The following MTBP variants were observed in gnomAD, a reference collection of about 807,000 sequenced individuals.
MTBP encodes the protein mdm2-binding protein.
A neutral mutation model predicts 117.0 loss-of-function variants in MTBP; 101 were observed. The observed-to-expected ratio is 0.86, with a 90% confidence interval of 0.73 to 1.02. The LOEUF is 1.02. Among genes scored for constraint, MTBP ranks in the 50% least tolerant of loss-of-function variants. The pLI, the probability that MTBP is intolerant of heterozygous loss-of-function variation, is 0.00. For synonymous variants in MTBP, 350 were observed against 351.5 expected, an observed-to-expected ratio of 1.00 and a Z score of 0.05; for missense variants, 970 against 1,030.9, an observed-to-expected ratio of 0.94 and a Z score of 0.81.
chr8:120,515,304 AT>A (rs1814897400), intron 17 of MTBP, among the ~76,000 whole-genome samples: 1 of 152,008 alleles, frequency 6.6e-6, no homozygotes, highest in Admixed American at 6.6e-5. Flanking sequence ...ACAACCTAGG[AT>A]TTCTTTGAGT....
Position 120,497,421 on chromosome 8 carries a change from A to G in MTBP, c.1476A>G (p.Glu492=). 1 of 1,606,058 alleles carries G rather than the reference A, an allele frequency of 6.2e-7. No individual in the cohort carries two copies. The highest frequency in any genetic ancestry group is 8.5e-7 in the Non-Finnish European group (1 of 1,177,634). ...GACGAAAGTTGGCAAAGCAGCCTGA[A>G]ACAGTTTCTGTTGCTGAACTCAAAA... ...LKRRKLAKQP[E]TVSVAELKSL... Residue 492 remains glutamate (E), a synonymous_variant, in exon 14 of 22, where the codon GAA becomes GAG. Transcript: ENST00000305949.
chr8:120,508,138 T>C (rs117686805), intron 16 of MTBP, among the ~76,000 whole-genome samples: 1 of 152,168 alleles, frequency 6.6e-6, no homozygotes, highest in Non-Finnish European at 1.5e-5. Context: ...AACATTAGAG[T>C]TGAAGGATGA....
At chr8:120,481,262 A>G (rs774569606) in intron 11 of MTBP, among the ~76,000 whole-genome samples, 14 of 152,172 alleles carry the variant, frequency 9.2e-5, no homozygotes, top group Non-Finnish European at 1.9e-4. Context: ...CTAGTAAGGA[A>G]AACAGTTTGA....
intron 10 of MTBP, among the ~76,000 whole-genome samples, chr8:120,467,100 T>A (rs1171214369): frequency 2.0e-5 from 3 of 152,194 alleles, no homozygotes; most frequent in Non-Finnish European, 2.9e-5. Context: ...TAACTATGAT[T>A]AGCCCCAGAA....
At chr8:120,506,356 ATTTAAG>A (rs1814685271) in intron 15 of MTBP, among the ~76,000 whole-genome samples, 1 of 152,122 alleles carries the variant, frequency 6.6e-6, no homozygotes, top group Admixed American at 6.6e-5. Context: ...GAGAATTTAG[ATTTAAG>A]TTTTATAGAA....
At chr8:120,450,053 T>C (rs117794737) in intron 2 of MTBP, among the ~76,000 whole-genome samples, 1 of 152,126 alleles carries the variant, frequency 6.6e-6, no homozygotes, top group Non-Finnish European at 1.5e-5. Context: ...AAGAAATACT[T>C]TGAGAAACAC....
chr8:120,507,705 A>G (rs938189048), intron 16 of MTBP, among the ~76,000 whole-genome samples: 1 of 152,114 alleles, frequency 6.6e-6, no homozygotes, highest in Admixed American at 6.6e-5. Flanking sequence ...CTTTATGTGC[A>G]TGTTCACTAG....
At chr8:120,453,316 T>C (rs1210326823) in intron 4 of MTBP, among the ~76,000 whole-genome samples, 2 of 151,978 alleles carry the variant, frequency 1.3e-5, no homozygotes, top group Admixed American at 1.3e-4. Flanking sequence ...TGTGTGCTTG[T>C]AGTCCCAGCT....
rs1814907797 is a variant in MTBP, at chr8:120,515,906, G to A, written c.1980-19G>A. ...CTCTCATGGAGGTTTACATTTTAAT[G>A]CTCTTTCACTCATTTTAGATATTGC... is the stretch of plus-strand genomic sequence containing the variant. On this transcript the variant is annotated intron_variant, in intron 17 of 21. Transcript: ENST00000305949. The A allele has an allele frequency of 6.2e-7, 1 of 1,606,464 alleles. No individual in the cohort carries two copies. The highest frequency in any genetic ancestry group is 1.7e-5 in the Admixed American group (1 of 59,414).
At position 120,502,596 on chromosome 8, in the gene MTBP, A is replaced by G; in HGVS notation, c.1714A>G (p.Lys572Glu). The change falls in exon 15 of 22, where the codon AAA (lysine) becomes GAA (glutamate). Residue 572 changes from lysine to glutamate, a missense_variant. Coordinates refer to ENST00000305949, the MANE Select transcript of MTBP (RefSeq NM_022045.5). ...AAATTTGGAAACTTTTGAAAAAACT[A>G]AACAAAAAATGAGGTAATATTTGAA... ...LQNLETFEKT[K>E]QKMRTGSLPH... The G allele has an allele frequency of 6.3e-7, 1 of 1,594,018 alleles. No individual in the cohort carries two copies. The highest frequency in any genetic ancestry group is 1.1e-5 in the South Asian group (1 of 87,218).
Position 120,490,576 on chromosome 8 carries a change from T to G in MTBP, c.1447+6T>G, listed in dbSNP as rs1320642828. 1 of 1,554,542 alleles carries G rather than the reference T, an allele frequency of 6.4e-7. No homozygotes were observed. Among genetic ancestry groups the G allele is most frequent in the Non-Finnish European group, 8.8e-7 (1 of 1,137,490 alleles). On this transcript the variant is annotated splice_donor_region_variant and intron_variant, in intron 13 of 21. Coordinates refer to ENST00000305949, the MANE Select transcript of MTBP (RefSeq NM_022045.5). ...AGCTTTGGAAGAATGCCTAAGTAAG[T>G]AACAATTTGTGTATTTTATCCTACC...
chr8:120,514,633 C>T (rs550300685), intron 17 of MTBP, among the ~76,000 whole-genome samples: 1 of 152,132 alleles, frequency 6.6e-6, no homozygotes, highest in African/African-American at 2.4e-5. Context: ...GCTCTGAAGT[C>T]ACCAACCTGG....
chr8:120,468,355 A>G (rs1813744391), intron 10 of MTBP, among the ~76,000 whole-genome samples: 1 of 152,206 alleles, frequency 6.6e-6, no homozygotes, highest in African/African-American at 2.4e-5. Flanking sequence ...ACACATCTTT[A>G]TGAATAAAAA....
Position 120,446,511 on chromosome 8 carries a change from C to A in MTBP, c.197C>A (p.Pro66His). Residue 66 changes from proline to histidine, a missense_variant and splice_region_variant, in exon 2 of 22, where the codon CCT (proline) becomes CAT (histidine). Coordinates refer to ENST00000305949, the MANE Select transcript of MTBP (RefSeq NM_022045.5). ...ASINPEDSTF[P>H]ACSVGGIPGS... ...ATTAATCCAGAAGATAGTACTTTCC[C>A]TGGTAAGTATAATAAACTCCTCTTT... 3 of 1,535,118 alleles carry A rather than the reference C, an allele frequency of 2.0e-6. No homozygotes were observed. Among genetic ancestry groups the A allele is most frequent in the Non-Finnish European group, 2.7e-6 (3 of 1,108,604 alleles).
intron 20 of MTBP, among the ~76,000 whole-genome samples, chr8:120,521,770 A>G (rs1315097669): frequency 6.6e-6 from 1 of 152,246 alleles, no homozygotes; most frequent in East Asian, 1.9e-4. Flanking sequence ...ATGGAGTCAA[A>G]TAGCCAAAAT....
At chr8:120,456,780 G>A (rs1407209407) in intron 7 of MTBP, 110 bp downstream of exon 7, 3 of 695,658 alleles carry the variant, frequency 4.3e-6, no homozygotes, top group Non-Finnish European at 5.0e-6. Flanking sequence ...TTCTAGAATA[G>A]CACTAAGTAG....
intron 11 of MTBP, among the ~76,000 whole-genome samples, chr8:120,480,988 A>G (rs1230760219): frequency 1.3e-5 from 2 of 152,242 alleles, no homozygotes; most frequent in Non-Finnish European, 2.9e-5. Context: ...AATTTTATAT[A>G]TAATAAAACA....
Position 120,451,241 on chromosome 8 carries a change from C to T in MTBP, c.344C>T (p.Thr115Met), listed in dbSNP as rs183822788. The change falls in exon 4 of 22, where the codon ACG becomes ATG. Residue 115 changes from threonine to methionine, a missense_variant. Transcript: ENST00000305949. Reference protein sequence around the residue: ...EKDKIEDVLQTNIEECLGAVE... With the variant: ...EKDKIEDVLQMNIEECLGAVE... ...GATAAAATTGAAGATGTTCTTCAAACGAATATCGAAGAATGTTTGGGTGCT... is the reference window on the plus strand; with the variant it reads ...GATAAAATTGAAGATGTTCTTCAAATGAATATCGAAGAATGTTTGGGTGCT... 2.0e-5 allele frequency: 33 copies of T among 1,609,956 alleles called. No homozygotes were observed. In the Admixed American group the frequency reaches 3.0e-4, roughly 15 times the overall value.
rs540187663 is a variant in MTBP, at chr8:120,461,103, A to C, written c.883-58A>C. The C allele has an allele frequency of 2.3e-5, 29 of 1,277,178 alleles. No individual in the cohort carries two copies. In the East Asian group the frequency reaches 6.8e-4, roughly 30 times the overall value. The allele number at this position is 1,277,178 out of a possible 1,614,324, so 79.1% of individuals were successfully genotyped here. A position where few individuals can be genotyped will look rare whatever the true frequency, so the allele number is the denominator to read the frequency against. On this transcript the variant is annotated intron_variant, in intron 8 of 21. Transcript: ENST00000305949. Reference sequence around the variant, plus strand: ...TAAAGTTTTAAACCCTTAATCACTAATTTGTTTACTTTTGTTTATGGTATT... The same window carrying C: ...TAAAGTTTTAAACCCTTAATCACTACTTTGTTTACTTTTGTTTATGGTATT...
Sources: allele counts gnomAD v4.1 joint callset (sites outside exome capture counted in the v4.1 genomes callset), GRCh38; gene constraint gnomAD v4.1.1; transcripts MANE v1.5; gene names NCBI Gene and HGNC (gene_info 2026-07-23, HGNC 2026-07-21).